The following THSD7B variants were observed in gnomAD, a reference collection of about 807,000 sequenced individuals.
THSD7B encodes thrombospondin type-1 domain-containing protein 7B.
In THSD7B, 138 loss-of-function variants were observed where a neutral mutation model predicts 213.6. The ratio of observed to expected loss-of-function variants is 0.65; its 90% CI spans 0.56 to 0.74. The LOEUF (loss-of-function observed/expected upper bound fraction) is 0.74. Among genes scored for constraint, THSD7B ranks in the 30% least tolerant of loss-of-function variants. The pLI is 0.00. For synonymous variants in THSD7B, 742 were observed against 687.0 expected (o/e 1.08, Z -1.25); for missense variants, 1,931 against 1,991.5 (o/e 0.97, Z 0.58).
chr2:137,283,507 T>C (rs920634960), intron 12 of THSD7B, among the ~76,000 whole-genome samples: 10 of 152,096 alleles, frequency 6.6e-5, no homozygotes, highest in South Asian at 2.1e-4. Context: ...CCAGTTTTTG[T>C]CCATTCAGTA....
At chr2:137,310,067 C>T (rs1385096332) in intron 12 of THSD7B, among the ~76,000 whole-genome samples, 1 of 151,268 alleles carries the variant, frequency 6.6e-6, no homozygotes, top group African/African-American at 2.4e-5. Context: ...TTCTAGATCC[C>T]TGAGGAATCG....
At chr2:137,543,884 A>G (rs186895370) in intron 15 of THSD7B, among the ~76,000 whole-genome samples, 1 of 151,908 alleles carries the variant, frequency 6.6e-6, no homozygotes, top group East Asian at 1.9e-4. Context: ...CTCAGATGCT[A>G]AAGATTAGTC....
At chr2:137,449,709 A>G (rs1687609795) in intron 14 of THSD7B, among the ~76,000 whole-genome samples, 2 of 151,974 alleles carry the variant, frequency 1.3e-5, no homozygotes, top group Non-Finnish European at 2.9e-5. Flanking sequence ...TAGCATGGCT[A>G]TTTTCTTTTT....
At chr2:136,851,722 G>A (rs1683101708) in intron 1 of THSD7B, among the ~76,000 whole-genome samples, 1 of 152,126 alleles carries the variant, frequency 6.6e-6, no homozygotes, top group East Asian at 1.9e-4. Context: ...AGAAATACTT[G>A]AAGTCTCTTA....
chr2:136,779,198 ATGTGTGTGTGTGTGTGTGTGTG>A (rs199689020), intron 1 of THSD7B, among the ~76,000 whole-genome samples: 1 of 55,088 alleles, frequency 1.8e-5, no homozygotes, highest in African/African-American at 7.2e-5. Context: ...ATATATATAT[ATGTGTGTGTGTGTGTGTGTGTG>A]TGTGTGTGTG....
chr2:136,879,701 T>C (rs993585411), intron 1 of THSD7B, among the ~76,000 whole-genome samples: 3 of 152,148 alleles, frequency 2.0e-5, no homozygotes, highest in Non-Finnish European at 4.4e-5. Flanking sequence ...GACCCATCAG[T>C]GTGCTGTATT....
At position 136,817,110 on chromosome 2, in the gene THSD7B, G is replaced by A. The variant is rs574989698; in HGVS notation, c.-36+51423G>A. On this transcript the variant is annotated intron_variant, in intron 1 of 27. Transcript: ENST00000409968. ...TTACCTGAGCCGAAAAACAATGCTA[G>A]CAGTAACATGCTGACCGGATGTAAT... Among the ~76,000 whole-genome samples the A allele has an allele frequency of 2.0e-5, 3 of 152,258 alleles. No homozygotes were observed. In the South Asian group the frequency reaches 6.2e-4, roughly 32 times the overall value.
At chr2:137,093,079 T>C (rs749488089) in intron 3 of THSD7B, among the ~76,000 whole-genome samples, 5 of 152,220 alleles carry the variant, frequency 3.3e-5, no homozygotes, top group Non-Finnish European at 7.3e-5. Context: ...TTTGACTGAA[T>C]AGAGGAACGA....
chr2:137,200,013 T>C (rs933341763), intron 7 of THSD7B, among the ~76,000 whole-genome samples: 2 of 152,112 alleles, frequency 1.3e-5, no homozygotes, highest in Non-Finnish European at 2.9e-5. Flanking sequence ...CTTCACATAA[T>C]TACATCCTTA....
At chr2:136,945,101 C>A (rs1379143247) in intron 2 of THSD7B, among the ~76,000 whole-genome samples, 4 of 152,172 alleles carry the variant, frequency 2.6e-5, no homozygotes, top group African/African-American at 9.6e-5. Context: ...CAAAATCTCT[C>A]AGCATTTGCT....
At chr2:137,261,964 G>A (rs529033092) in intron 10 of THSD7B, among the ~76,000 whole-genome samples, 4 of 150,584 alleles carry the variant, frequency 2.7e-5, no homozygotes, top group South Asian at 2.1e-4. Context: ...GAGCCATAGC[G>A]AGTGATGGGC....
chr2:137,032,513 G>A (rs907316543), intron 2 of THSD7B, among the ~76,000 whole-genome samples: 1 of 152,130 alleles, frequency 6.6e-6, no homozygotes, highest in South Asian at 2.1e-4. Flanking sequence ...CCAACAAAAC[G>A]GGGATAGCTT....
At chr2:137,252,266 CAAAAAAAAAA>C (rs1182130976) in intron 10 of THSD7B, among the ~76,000 whole-genome samples, 3 of 59,688 alleles carry the variant, frequency 5.0e-5, no homozygotes, top group Admixed American at 2.8e-4. Context: ...GACTCTGTCT[CAAAAAAAAAA>C]AAAAAAAAAA....
intron 12 of THSD7B, among the ~76,000 whole-genome samples, chr2:137,276,325 C>T (rs1400257242): frequency 6.6e-6 from 1 of 151,882 alleles, no homozygotes; most frequent in South Asian, 2.1e-4. Context: ...TACCTAATAT[C>T]TGTGAATGAA....
chr2:136,848,342 G>A (rs1394732269), intron 1 of THSD7B, among the ~76,000 whole-genome samples: 2 of 152,062 alleles, frequency 1.3e-5, no homozygotes, highest in East Asian at 1.9e-4. Flanking sequence ...TGGGGTTTGG[G>A]AATTAGTAGG....
At chr2:137,117,073 A>T (rs878891361) in intron 5 of THSD7B, among the ~76,000 whole-genome samples, 1 of 152,238 alleles carries the variant, frequency 6.6e-6, no homozygotes, top group African/African-American at 2.4e-5. Context: ...AGCTGAATAT[A>T]GTGAGTAAAA....
At chr2:136,801,020 T>C (rs1682169044) in intron 1 of THSD7B, among the ~76,000 whole-genome samples, 1 of 152,054 alleles carries the variant, frequency 6.6e-6, no homozygotes, top group Non-Finnish European at 1.5e-5. Context: ...CCTGGAGTTT[T>C]TTTTTCCTTT....
intron 20 of THSD7B, among the ~76,000 whole-genome samples, chr2:137,632,975 G>C (rs939063418): frequency 1.3e-5 from 2 of 152,136 alleles, no homozygotes; most frequent in African/African-American, 4.8e-5. Context: ...CCCTCTATAG[G>C]GGAAGCTGAG....
intron 7 of THSD7B, among the ~76,000 whole-genome samples, chr2:137,174,289 C>G (rs1573867714): frequency 6.6e-6 from 1 of 152,166 alleles, no homozygotes; most frequent in East Asian, 1.9e-4. Context: ...TCTACATAAG[C>G]TTGACCAAGA....
Sources: allele counts gnomAD v4.1 joint callset (sites outside exome capture counted in the v4.1 genomes callset), GRCh38; gene constraint gnomAD v4.1.1; transcripts MANE v1.5; gene names NCBI Gene and HGNC (gene_info 2026-07-23, HGNC 2026-07-21).